Variants in FLNB observed in about 807,000 individuals in gnomAD.
The protein encoded by FLNB is filamin-B.
Under a neutral mutation model 250.6 loss-of-function variants are expected in FLNB, and 111 were observed. That is an observed-to-expected ratio of 0.44 (90% confidence interval 0.38 to 0.52). The LOEUF is 0.52. Ranked by LOEUF, FLNB falls within the 20% of genes least tolerant of loss-of-function variation. The probability of loss-of-function intolerance (pLI) is 0.00; values close to 1 mark genes in which losing one functional copy is unlikely to be tolerated. For synonymous variants in FLNB, 1,302 were observed against 1,372.1 expected (o/e 0.95, Z 1.13); for missense variants, 2,869 against 3,447.8 (o/e 0.83, Z 4.20).
chr3:58,094,736 C>A, intron 4 of FLNB, 100 bp from the exon 5 acceptor site: 1 of 980,016 alleles, frequency 1.0e-6, no homozygotes, highest in Non-Finnish European at 1.7e-6. Context: ...ATCTGCAGGG[C>A]TGGGTCCCAT....
At chr3:58,120,793 A>G (rs1195602673) in intron 19 of FLNB, among the ~76,000 whole-genome samples, 1 of 152,256 alleles carries the variant, frequency 6.6e-6, no homozygotes. Context: ...CTTTCTGGTC[A>G]GCAAAGATTG....
rs1165597341 is a variant in FLNB, at chr3:58,142,295, TAAAATGCA to T, written c.5182-354_5182-347del. 6.6e-6 allele frequency among the ~76,000 whole-genome samples: 1 copy of T among 152,224 alleles called. No individual in the cohort carries two copies. The highest frequency in any genetic ancestry group is 1.5e-5 in the Non-Finnish European group (1 of 68,038). On this transcript the variant is annotated intron_variant, in intron 30 of 45. Coordinates refer to ENST00000295956, the MANE Select transcript of FLNB (RefSeq NM_001457.4). The surrounding 1 kb of genome is among the most constrained non-coding windows in gnomAD (Gnocchi z 4.3). ...CCACCCACTGCTACTCTCTGCCACT[TAAAATGCA>T]CCTTCTTTTCCAGGCCACAAGCAAC...
chr3:58,143,855 C>T (rs561050399), intron 32 of FLNB, among the ~76,000 whole-genome samples: 33 of 152,298 alleles, frequency 2.2e-4, no homozygotes, highest in Non-Finnish European at 2.9e-5. Context: ...GGTTGTTTAT[C>T]TTTGTCACTA....
rs2097315110 is a variant in FLNB at position 58,135,915 on chromosome 3, G to T, written c.4672-64G>T. 3.3e-6 allele frequency: 5 copies of T among 1,528,048 alleles called. No individual in the cohort carries two copies. The East Asian group carries it at 9.1e-5, about 28-fold the overall frequency. 94.7% of individuals were successfully genotyped at this position (1,528,048 alleles called of 1,614,324 possible). On this transcript the variant is annotated intron_variant, in intron 27 of 45. Transcript: ENST00000295956. ...GGCACTAATTGGAAAATATGTCAGG[G>T]TTTTCCATGAATGTTTTCTACATCT...
At chr3:58,029,589 T>C (rs1425706961) in intron 1 of FLNB, among the ~76,000 whole-genome samples, 1 of 151,820 alleles carries the variant, frequency 6.6e-6, no homozygotes, top group Non-Finnish European at 1.5e-5. Context: ...ACTGCAGTCT[T>C]CACCTCCTGG....
In FLNB at chr3:58,068,133, T is replaced by G. The variant is rs1167754693; in HGVS notation, c.293-8913T>G. Among the ~76,000 whole-genome samples the G allele has an allele frequency of 3.3e-5, 5 of 152,104 alleles. No homozygotes were observed. In the South Asian group the frequency reaches 6.2e-4, roughly 19 times the overall value. ...GAAGCCGTGGCTCATTTCATATCATTTGTTGCTTATTTGAAAGACAGGCAC... is the reference window on the plus strand; with the variant it reads ...GAAGCCGTGGCTCATTTCATATCATGTGTTGCTTATTTGAAAGACAGGCAC... On this transcript the variant is annotated intron_variant, in intron 1 of 45. Transcript: ENST00000295956.
intron 4 of FLNB, among the ~76,000 whole-genome samples, chr3:58,086,952 A>C (rs748924238): frequency 6.6e-6 from 1 of 152,300 alleles, no homozygotes; most frequent in Non-Finnish European, 1.5e-5. Context: ...CTTTACCAAA[A>C]ATACAAAAAT....
intron 1 of FLNB, among the ~76,000 whole-genome samples, chr3:58,056,440 T>C (rs1177260847): frequency 6.6e-6 from 1 of 151,932 alleles, no homozygotes; most frequent in Admixed American, 6.6e-5. Flanking sequence ...ACCCTAAGCC[T>C]ATCATATCAA....
chr3:58,139,610 C>T (rs2097322933), intron 29 of FLNB, among the ~76,000 whole-genome samples: 2 of 152,134 alleles, frequency 1.3e-5, no homozygotes. Context: ...TTTTATGTCT[C>T]AAGTATGTAA....
intron 25 of FLNB, among the ~76,000 whole-genome samples, chr3:58,131,212 G>A (rs2097306779): frequency 6.6e-6 from 1 of 152,170 alleles, no homozygotes; most frequent in South Asian, 2.1e-4. Context: ...TTCAGCATTT[G>A]TGAGGGGGTG....
chr3:58,105,297 G>A lies in FLNB; in HGVS notation c.1747+81G>A, dbSNP rs1234504717. 1.9e-6 allele frequency: 3 copies of A among 1,580,308 alleles called. No homozygotes were observed. In the African/African-American group the frequency reaches 4.0e-5, roughly 21 times the overall value. ...CGGGCTGTGTCAGGCTGGATGTTGG[G>A]GCCTTGCCTAGCCTCAATACCTTTA... On this transcript the variant is annotated intron_variant, in intron 11 of 45. Transcript: ENST00000295956.
intron 43 of FLNB, among the ~76,000 whole-genome samples, chr3:58,166,529 A>G (rs1037229818): frequency 5.9e-5 from 9 of 152,224 alleles, no homozygotes; most frequent in African/African-American, 2.2e-4. Context: ...CACTTTAAAA[A>G]TATCTTTTTG....
rs752136059 is a variant in FLNB, at chr3:58,123,479, C to A, written c.3513C>A (p.Val1171=). 3 of 1,605,536 alleles carry A rather than the reference C, an allele frequency of 1.9e-6. No homozygotes were observed. In the South Asian group the frequency reaches 3.3e-5, roughly 18 times the overall value. The change falls in exon 21 of 46, where the codon GTC becomes GTA. Residue 1171 remains valine, a synonymous_variant. Coordinates refer to ENST00000295956, the MANE Select transcript of FLNB (RefSeq NM_001457.4). ...CGGGGGCCCTGGGCCTGGAAGCTGT[C>A]TCGGACTCGGGAACAAAAGCCGAAG... ...AGPGALGLEA[V]SDSGTKAEVS...
At chr3:58,160,731 C>T (rs534185483) in intron 42 of FLNB, among the ~76,000 whole-genome samples, 64 of 152,200 alleles carry the variant, frequency 4.2e-4, no homozygotes, top group African/African-American at 1.5e-3. Context: ...TGGTGGCTCA[C>T]ACCTGTAATC....
At chr3:58,114,225 C>G (rs2097274026) in intron 18 of FLNB, among the ~76,000 whole-genome samples, 1 of 152,178 alleles carries the variant, frequency 6.6e-6, no homozygotes, top group Non-Finnish European at 1.5e-5. Context: ...CCTGCCTCAG[C>G]CTACCGAGTA....
Position 58,169,649 on chromosome 3 carries a change from G to A in FLNB, c.7477G>A (p.Val2493Met). The A allele has an allele frequency of 6.2e-7, 1 of 1,614,126 alleles. No individual in the cohort carries two copies. The highest frequency in any genetic ancestry group is 8.5e-7 in the Non-Finnish European group (1 of 1,179,964). ...GACCTCATCCATCCTGGTGGAGTCA[G>A]TGACCAGGTCGTCTACAGAGACCTG... is the stretch of plus-strand genomic sequence containing the variant. Reference protein sequence around the residue: ...NETSSILVESVTRSSTETCYS... With the variant: ...NETSSILVESMTRSSTETCYS... The change falls in exon 45 of 46, where the codon GTG becomes ATG. Residue 2493 changes from valine to methionine, a missense_variant. Val to Met is a conservative substitution (Grantham distance 21, BLOSUM62 1). Transcript: ENST00000295956. The surrounding 1 kb of genome is among the most constrained non-coding windows in gnomAD (Gnocchi z 4.8).
chr3:58,056,602 A>G (rs9832281), intron 1 of FLNB, among the ~76,000 whole-genome samples: 9 of 151,866 alleles, frequency 5.9e-5, no homozygotes, highest in Admixed American at 2.0e-4. Context: ...TCAGTTATGT[A>G]TTTATTTATT....
chr3:58,170,490 A>G (rs916468136), intron 45 of FLNB, 85 bp from the exon 46 acceptor site: 3 of 1,363,924 alleles, frequency 2.2e-6, no homozygotes, highest in Admixed American at 3.8e-5. Context: ...TCGTGGAAGC[A>G]CCTTACCTTT....
chr3:58,081,850 G>T, intron 4 of FLNB, 74 bp downstream of exon 4: 3 of 1,531,812 alleles, frequency 2.0e-6, no homozygotes, highest in Non-Finnish European at 1.8e-6. Context: ...GGCTTCAAGA[G>T]TGATGTTCTT....
Sources: gnomAD v4.1 joint callset for allele counts (sites outside exome capture counted in the v4.1 genomes callset) on GRCh38, gnomAD v4.1.1 for gene constraint, Gnocchi (gnomAD v3.1) non-coding constraint, MANE v1.5 for transcripts, NCBI Gene and HGNC (gene_info 2026-07-23, HGNC 2026-07-21) for gene names.